The following CYP3A5 variants were observed in gnomAD, a reference collection of about 807,000 sequenced individuals.
CYP3A5 encodes the protein cytochrome P450 family 3 subfamily A member 5, also known as cytochrome P450 3A5.
A neutral mutation model predicts 55.9 loss-of-function variants in CYP3A5; 51 were observed. That is an observed-to-expected ratio of 0.91 (90% CI 0.73 to 1.15). CYP3A5 has a LOEUF of 1.15. CYP3A5 is among the 50% of genes most tolerant of loss of function. CYP3A5 has a pLI of 0.00. For missense variants in CYP3A5, 533 were observed against 596.6 expected, an observed-to-expected ratio of 0.89 and a Z score of 1.11; for synonymous variants, 196 against 213.9, an observed-to-expected ratio of 0.92 and a Z score of 0.73.
chr7:99,670,416 C>CA (rs1375714526), intron 4 of CYP3A5, among the ~76,000 whole-genome samples: 51 of 152,290 alleles, frequency 3.3e-4, no homozygotes, highest in African/African-American at 1.2e-3. Context: ...GTTGGCTAAA[C>CA]ATGGTCCTGT....
At chr7:99,674,750 CAG>C (rs1457741187) in intron 2 of CYP3A5, among the ~76,000 whole-genome samples, 165 bp from the exon 3 acceptor site, 3 of 152,310 alleles carry the variant, frequency 2.0e-5, no homozygotes, top group Admixed American at 6.5e-5. Flanking sequence ...GACAAGAAAA[CAG>C]AGAATATATT....
chr7:99,678,503 C>T (rs989077214), intron 1 of CYP3A5, among the ~76,000 whole-genome samples: 1 of 152,162 alleles, frequency 6.6e-6, no homozygotes, highest in Middle Eastern at 3.2e-3. Context: ...TTTGAAAAGA[C>T]GTGCAGTCTT....
At chr7:99,656,514 T>C (rs1190764979) in intron 10 of CYP3A5, among the ~76,000 whole-genome samples, 1 of 152,230 alleles carries the variant, frequency 6.6e-6, no homozygotes, top group African/African-American at 2.4e-5. Context: ...TGTATCACTG[T>C]TCATCAGGGA....
At chr7:99,659,974 A>T (rs1810243310) in intron 10 of CYP3A5, 1 of 154,342 alleles carries the variant, frequency 6.5e-6, no homozygotes, top group Non-Finnish European at 1.4e-5. Context: ...GCTGTCCGTC[A>T]CCCCTAGGAA....
chr7:99,659,561 C>T (rs1014202869), intron 10 of CYP3A5: 1 of 153,752 alleles, frequency 6.5e-6, no homozygotes, highest in African/African-American at 2.4e-5. Flanking sequence ...GTTCTCAGAT[C>T]TCCAGCTGTG....
intron 12 of CYP3A5, 52 bp downstream of exon 12, chr7:99,650,021 A>C: frequency 6.3e-7 from 1 of 1,595,152 alleles, no homozygotes; most frequent in Non-Finnish European, 8.6e-7. Flanking sequence ...TAAAAAATAT[A>C]TACCCTTCAG....
At chr7:99,649,998 A>T (rs1213338354) in intron 12 of CYP3A5, 75 bp downstream of exon 12, 6 of 1,519,710 alleles carry the variant, frequency 3.9e-6, no homozygotes, top group Non-Finnish European at 5.4e-6. Context: ...AAAGATAAAC[A>T]TGCATATTCT....
At chr7:99,671,863 T>C (rs1267977071) in intron 4 of CYP3A5, 4 of 702,852 alleles carry the variant, frequency 5.7e-6, no homozygotes, top group African/African-American at 3.5e-5. Context: ...TTGATGGTGC[T>C]GGTCGTTGCA....
chr7:99,655,511 A>G (rs367808176), intron 10 of CYP3A5, among the ~76,000 whole-genome samples: 2 of 152,138 alleles, frequency 1.3e-5, no homozygotes, highest in South Asian at 2.1e-4. Context: ...GTCAGGTAGC[A>G]TGATGCCTCC....
At position 99,663,296 on chromosome 7, in the gene CYP3A5, C is replaced by G. The variant is rs10256106; in HGVS notation, c.799-414G>C. On this transcript the variant is annotated intron_variant, in intron 8 of 12. Coordinates refer to ENST00000222982, the MANE Select transcript of CYP3A5 (RefSeq NM_000777.5). ...ATCTCCTGACATTTCCAGAACTCAT[C>G]AGCAGCTTTTTTGGGGGAGCATTTT... 7,402 of 995,140 alleles carry G rather than the reference C, an allele frequency of 7.4e-3. 371 individuals carry two copies. In the African/African-American group the frequency reaches 0.11, roughly 15 times the overall value. 61.6% of individuals were successfully genotyped at this position (995,140 alleles called of 1,614,324 possible).
intron 10 of CYP3A5, 49 bp from the exon 11 acceptor site, chr7:99,652,828 C>T (rs545507836): frequency 2.1e-6 from 3 of 1,429,164 alleles, no homozygotes; most frequent in East Asian, 4.6e-5. Flanking sequence ...TGAATTAACT[C>T]TCAACTGAGT....
chr7:99,648,307 A>G lies in CYP3A5; in HGVS notation c.1507T>C (p.Ter503ArgextTer30). 4 of 1,611,022 alleles carry G rather than the reference A, an allele frequency of 2.5e-6. No homozygotes were observed. The highest frequency in any genetic ancestry group is 3.4e-6 in the Non-Finnish European group (4 of 1,177,902). Reference protein sequence around the residue: ...DSRDGTLSGE* With the variant: ...DSRDGTLSGER ...AAAGTAGAAATCCTTAGAATAACTC[A>G]TTCTCCACTTAGGGTTCCATCTCTT... The change falls in exon 13 of 13, where the codon TGA becomes CGA. Residue 503 changes from the stop codon to arginine (R), a stop_lost. Coordinates refer to ENST00000222982, the MANE Select transcript of CYP3A5 (RefSeq NM_000777.5).
chr7:99,676,376 C>G, intron 1 of CYP3A5, 168 bp from the exon 2 acceptor site: 2 of 1,525,126 alleles, frequency 1.3e-6, no homozygotes, highest in Middle Eastern at 1.7e-4. Flanking sequence ...CAGGTCCTTT[C>G]CTGACTATTC....
rs1482907426 is a variant in CYP3A5, at chr7:99,660,642, G to T, written c.883C>A (p.Leu295Ile). Reference sequence around the variant, plus strand: ...ATGAAGATTATTGACTGGGCTGCGAGCTCCAGATCAGACAGAGCTGAAAGG... The same window carrying T: ...ATGAAGATTATTGACTGGGCTGCGATCTCCAGATCAGACAGAGCTGAAAGG... ...ESHKALSDLE[L>I]AAQSIIFIFA... The change falls in exon 10 of 13, where the codon CTC (leucine) becomes ATC (isoleucine). Residue 295 changes from leucine (L) to isoleucine (I), a missense_variant. Physicochemically the swap from Leu to Ile is conservative, Grantham distance 5. Coordinates refer to ENST00000222982, the MANE Select transcript of CYP3A5 (RefSeq NM_000777.5). The T allele has an allele frequency of 6.2e-7, 1 of 1,613,878 alleles. No homozygotes were observed. Among genetic ancestry groups the T allele is most frequent in the African/African-American group, 1.3e-5 (1 of 75,014 alleles).
intron 6 of CYP3A5, among the ~76,000 whole-genome samples, chr7:99,665,927 A>T (rs1162982881): frequency 6.6e-6 from 1 of 152,026 alleles, no homozygotes; most frequent in South Asian, 2.1e-4. Context: ...TGTTCTGGTT[A>T]AAAAAAATAG....
intron 10 of CYP3A5, among the ~76,000 whole-genome samples, chr7:99,657,411 C>T (rs1479390324): frequency 6.6e-6 from 1 of 152,164 alleles, no homozygotes; most frequent in Non-Finnish European, 1.5e-5. Flanking sequence ...GTTTCTGAAT[C>T]CTGAGTTCTA....
intron 3 of CYP3A5, 70 bp from the exon 4 acceptor site, chr7:99,672,749 G>A (rs889213909): frequency 6.2e-7 from 1 of 1,605,960 alleles, no homozygotes; most frequent in African/African-American, 1.3e-5. Flanking sequence ...CACCCAGGAA[G>A]CCAGACTTTG....
chr7:99,674,392 T>G, intron 3 of CYP3A5, 141 bp downstream of exon 3: 1 of 582,730 alleles, frequency 1.7e-6, no homozygotes, highest in Admixed American at 3.3e-5. Flanking sequence ...AATTATCCTC[T>G]TCTTTCAGAG....
intron 11 of CYP3A5, among the ~76,000 whole-genome samples, chr7:99,651,014 A>C (rs530703131): frequency 6.6e-6 from 1 of 152,304 alleles, no homozygotes; most frequent in East Asian, 1.9e-4. Context: ...TAATAATGGC[A>C]TTGTTGTCAT....
Sources: gnomAD v4.1 joint callset for allele counts (sites outside exome capture counted in the v4.1 genomes callset) on GRCh38, gnomAD v4.1.1 for gene constraint, MANE v1.5 for transcripts, NCBI Gene and HGNC (gene_info 2026-07-23, HGNC 2026-07-21) for gene names.